Variants in GPBP1 observed in about 807,000 individuals in gnomAD.
GPBP1 encodes GC-rich promoter binding protein 1.
A neutral mutation model predicts 56.5 loss-of-function variants in GPBP1; 13 were observed. That is an observed-to-expected ratio of 0.23 (90% confidence interval 0.15 to 0.37). GPBP1 has a LOEUF of 0.37. GPBP1 is among the 10% of genes least tolerant of loss of function. GPBP1 has a pLI of 1.00. For missense variants in GPBP1, 477 were observed against 572.3 expected (o/e 0.83, Z 1.70); for synonymous variants, 204 against 188.9 (o/e 1.08, Z -0.66).
intron 6 of GPBP1, among the ~76,000 whole-genome samples, chr5:57,243,639 GGC>G (rs1740936904): frequency 6.6e-6 from 1 of 151,010 alleles, no homozygotes; most frequent in African/African-American, 2.4e-5. Context: ...ACTATATTGA[GGC>G]TTAAAGATAG....
At position 57,193,441 on chromosome 5, in the gene GPBP1, C is replaced by T. The variant is rs530750765; in HGVS notation, c.-58+17041C>T. On this transcript the variant is annotated intron_variant, in intron 2 of 11. Transcript: ENST00000506184. ...CAGCTTGGGCAACATGATGAAACCC[C>T]ATCTCCACAAAAAAATACAAAAACG... Among the ~76,000 whole-genome samples the T allele has an allele frequency of 2.0e-5, 3 of 151,678 alleles. No homozygotes were observed. The South Asian group carries it at 6.3e-4, about 32-fold the overall frequency.
At chr5:57,232,585 C>T (rs1232149176) in intron 5 of GPBP1, among the ~76,000 whole-genome samples, 1 of 152,156 alleles carries the variant, frequency 6.6e-6, no homozygotes, top group Non-Finnish European at 1.5e-5. Flanking sequence ...GCCTTTGCCT[C>T]TTTTAAAAAG....
At chr5:57,204,196 A>AGTTAAAC (rs1458638525) in intron 2 of GPBP1, among the ~76,000 whole-genome samples, 1 of 152,234 alleles carries the variant, frequency 6.6e-6, no homozygotes, top group South Asian at 2.1e-4. Flanking sequence ...AGTTTTTAAA[A>AGTTAAAC]GTTAAACACG....
At chr5:57,216,611 G>A (rs908568403) in intron 3 of GPBP1, among the ~76,000 whole-genome samples, 4 of 152,020 alleles carry the variant, frequency 2.6e-5, no homozygotes, top group Admixed American at 6.6e-5. Flanking sequence ...ACTTGAACCC[G>A]GGAGGTAGAG....
chr5:57,214,278 A>G, intron 3 of GPBP1, 85 bp downstream of exon 3: 1 of 1,168,480 alleles, frequency 8.6e-7, no homozygotes, highest in Non-Finnish European at 1.3e-6. Flanking sequence ...AGGAGTAATA[A>G]TATCTTTGCA....
chr5:57,182,772 C>T (rs906106170), intron 2 of GPBP1, among the ~76,000 whole-genome samples: 2 of 152,032 alleles, frequency 1.3e-5, no homozygotes, highest in African/African-American at 4.8e-5. Context: ...CCATCTCGAC[C>T]TCCTAGGCTC....
intron 6 of GPBP1, chr5:57,237,216 C>A (rs1016679144): frequency 3.2e-6 from 4 of 1,268,368 alleles, no homozygotes; most frequent in Non-Finnish European, 4.5e-6. Flanking sequence ...CAACTGATTG[C>A]ATAAGAATAT....
At chr5:57,196,456 AG>A (rs1754752718) in intron 2 of GPBP1, among the ~76,000 whole-genome samples, 1 of 152,212 alleles carries the variant, frequency 6.6e-6, no homozygotes, top group Non-Finnish European at 1.5e-5. Context: ...GCATTACCTT[AG>A]TGCACCTTTG....
At chr5:57,204,824 G>A (rs1209515580) in intron 2 of GPBP1, among the ~76,000 whole-genome samples, 2 of 151,950 alleles carry the variant, frequency 1.3e-5, no homozygotes, top group African/African-American at 4.8e-5. Context: ...ATTTTTTGGG[G>A]GAATGAGGTA....
In GPBP1 at chr5:57,264,432, G is replaced by A. The variant is rs1008162427; in HGVS notation, c.*1680G>A. ...TAATGAAATTTATCAGATACAACCT[G>A]TATTTCCAAAAACAAGCTAGAAGGA... On this transcript the variant is annotated 3_prime_UTR_variant, in exon 12 of 12. Coordinates refer to ENST00000506184, the MANE Select transcript of GPBP1 (RefSeq NM_022913.4). 2 of 152,106 alleles carry A rather than the reference G, an allele frequency of 1.3e-5. No individual in the cohort carries two copies. The highest frequency in any genetic ancestry group is 4.8e-5 in the African/African-American group (2 of 41,436). 9.4% of individuals were successfully genotyped at this position (152,106 alleles called of 1,614,324 possible). A position where few individuals can be genotyped will look rare whatever the true frequency, so the allele number is the denominator to read the frequency against.
At chr5:57,202,687 T>G (rs961670648) in intron 2 of GPBP1, among the ~76,000 whole-genome samples, 6 of 152,232 alleles carry the variant, frequency 3.9e-5, no homozygotes, top group Non-Finnish European at 8.8e-5. Context: ...TCTACACTTC[T>G]AAGAGGATTT....
intron 2 of GPBP1, among the ~76,000 whole-genome samples, chr5:57,193,613 CA>C (rs1194542329): frequency 0.066 from 4,050 of 61,520 alleles, 92 homozygotes; most frequent in East Asian, 0.24. Context: ...GACCCTGTCT[CA>C]AAAAAAAAAA....
At chr5:57,219,411 C>CAAAAAAAAAA (rs1561348407) in intron 3 of GPBP1, among the ~76,000 whole-genome samples, 1 of 75,882 alleles carries the variant, frequency 1.3e-5, no homozygotes, top group Non-Finnish European at 2.4e-5. Context: ...AAACCAAAAA[C>CAAAAAAAAAA]AAACAAACAA....
At chr5:57,231,990 A>AT (rs1756480168) in intron 5 of GPBP1, among the ~76,000 whole-genome samples, 1 of 151,398 alleles carries the variant, frequency 6.6e-6, no homozygotes, top group Non-Finnish European at 1.5e-5. Context: ...GGTTTATCTT[A>AT]TTTTTTTCAT....
chr5:57,252,422 A>G (rs1348810873), intron 10 of GPBP1, among the ~76,000 whole-genome samples: 1 of 151,954 alleles, frequency 6.6e-6, no homozygotes, highest in African/African-American at 2.4e-5. Context: ...ACAGTGTCTC[A>G]CTCTGTCACC....
At chr5:57,254,782 A>G (rs1368839798) in intron 10 of GPBP1, among the ~76,000 whole-genome samples, 1 of 152,198 alleles carries the variant, frequency 6.6e-6, no homozygotes, top group Non-Finnish European at 1.5e-5. Flanking sequence ...TTGAGAATTA[A>G]TTTAGCTAGA....
intron 3 of GPBP1, among the ~76,000 whole-genome samples, chr5:57,217,407 T>C (rs1022302852): frequency 4.6e-5 from 7 of 152,138 alleles, no homozygotes; most frequent in Non-Finnish European, 8.8e-5. Flanking sequence ...ACCCCGTCTC[T>C]ACTAAAAATA....
intron 2 of GPBP1, among the ~76,000 whole-genome samples, chr5:57,203,379 T>C (rs1755099850): frequency 6.6e-6 from 1 of 152,144 alleles, no homozygotes; most frequent in African/African-American, 2.4e-5. Flanking sequence ...CTCACACCTA[T>C]ACTCCTCATA....
chr5:57,183,555 G>T (rs1754153904), intron 2 of GPBP1, among the ~76,000 whole-genome samples: 1 of 151,598 alleles, frequency 6.6e-6, no homozygotes, highest in Admixed American at 6.6e-5. Flanking sequence ...AGGTGGGAGG[G>T]TCACTTGAGT....
Sources: gnomAD v4.1 joint callset for allele counts (sites outside exome capture counted in the v4.1 genomes callset) on GRCh38, gnomAD v4.1.1 for gene constraint, MANE v1.5 for transcripts, NCBI Gene and HGNC (gene_info 2026-07-23, HGNC 2026-07-21) for gene names.